MMP17: variants seen among roughly 807,000 people sequenced by gnomAD.
MMP17 encodes the protein matrix metalloproteinase-17.
A neutral mutation model predicts 49.1 loss-of-function variants in MMP17; 54 were observed. That is an observed-to-expected ratio of 1.10 (90% confidence interval 0.88 to 1.38). The LOEUF is 1.38. MMP17 is among the 40% of genes most tolerant of loss of function. MMP17 has a pLI of 0.00. For synonymous variants in MMP17, 397 were observed against 383.1 expected (o/e 1.04, Z -0.42); for missense variants, 837 against 853.7 (o/e 0.98, Z 0.24).
chr12:131,830,850 G>A (rs555706329), intron 1 of MMP17, among the ~76,000 whole-genome samples: 1 of 152,346 alleles, frequency 6.6e-6, no homozygotes, highest in South Asian at 2.1e-4. Context: ...CCCCCGGCGG[G>A]GACAAAAGAG....
chr12:131,851,038 TCA>T lies in MMP17; in HGVS notation c.1579_1580del (p.Gln527GlyfsTer23). Reference protein sequence around the residue: ...TARDWLVCGDSQADGSVAAGV... With the variant: ...TARDWLVCGDXQADGSVAAGV... ...CCGGGACTGGCTGGTGTGTGGAGAC[TCA>T]CAGGCCGATGGATCTGTGGCTGCGG... is the stretch of plus-strand genomic sequence containing the variant. On this transcript the variant is annotated frameshift_variant, in exon 10 of 10. Transcript: ENST00000360564. LOFTEE classifies it low-confidence loss of function (END_TRUNC). 1 of 1,609,012 alleles carries T rather than the reference TCA, an allele frequency of 6.2e-7. No homozygotes were observed. The highest frequency in any genetic ancestry group is 1.1e-5 in the South Asian group (1 of 90,462).
Position 131,845,196 on chromosome 12 carries a change from C to G in MMP17, c.1047C>G (p.Phe349Leu). 1 of 1,614,068 alleles carries G rather than the reference C, an allele frequency of 6.2e-7. No individual in the cohort carries two copies. The highest frequency in any genetic ancestry group is 8.5e-7 in the Non-Finnish European group (1 of 1,179,944). The change falls in exon 7 of 10, where the codon TTC becomes TTG. Residue 349 changes from phenylalanine (F) to leucine (L), a missense_variant. Coordinates refer to ENST00000360564, the MANE Select transcript of MMP17 (RefSeq NM_016155.7). ...VAQIRGEAFF[F>L]KGKYFWRLTR... is the part of the protein sequence containing the mutation. The stretch of plus-strand genomic sequence containing the variant: ...AGATCCGGGGTGAAGCTTTCTTCTT[C>G]AAAGGTACCTCCAGGGTTCCCGTGG...
chr12:131,847,400 G>C (rs1453638675), intron 8 of MMP17, among the ~76,000 whole-genome samples: 3 of 144,912 alleles, frequency 2.1e-5, no homozygotes, highest in East Asian at 2.0e-4. Context: ...GTGACAGAGC[G>C]AGACTCCGTC....
intron 1 of MMP17, among the ~76,000 whole-genome samples, chr12:131,831,445 C>T (rs932855817): frequency 6.6e-6 from 1 of 152,036 alleles, no homozygotes. Context: ...TGGCTTCTGC[C>T]GGTGGCCTCT....
chr12:131,849,061 C>T (rs947768985), intron 8 of MMP17, among the ~76,000 whole-genome samples: 1 of 152,218 alleles, frequency 6.6e-6, no homozygotes. Flanking sequence ...CCCATATCCT[C>T]CCGACACAGG....
In MMP17 at chr12:131,841,752, C is replaced by A; in HGVS notation, c.835C>A (p.Arg279Ser). 1 of 1,612,668 alleles carries A rather than the reference C, an allele frequency of 6.2e-7. No individual in the cohort carries two copies. The change falls in exon 5 of 10, where the codon CGC becomes AGC. Residue 279 changes from arginine to serine, a missense_variant. Coordinates refer to ENST00000360564, the MANE Select transcript of MMP17 (RefSeq NM_016155.7). ...CCAGGGCCCGGTGGGTGACCCGCTGCGCTACGGGCTCCCCTACGAGGACAA... is the reference window on the plus strand; with the variant it reads ...CCAGGGCCCGGTGGGTGACCCGCTGAGCTACGGGCTCCCCTACGAGGACAA... Reference protein sequence around the residue: ...YYQGPVGDPLRYGLPYEDKVR... With the variant: ...YYQGPVGDPLSYGLPYEDKVR...
intron 1 of MMP17, among the ~76,000 whole-genome samples, chr12:131,834,285 C>G (rs1886965510): frequency 6.6e-6 from 1 of 152,002 alleles, no homozygotes; most frequent in Non-Finnish European, 1.5e-5. Flanking sequence ...CCCGCCTCCT[C>G]CCTCCTCCCG....
In MMP17 at chr12:131,845,032, G is replaced by A. The variant is rs562020869; in HGVS notation, c.969-86G>A. 6.3e-5 allele frequency: 87 copies of A among 1,371,844 alleles called. No homozygotes were observed. The East Asian group carries it at 1.1e-3, about 18-fold the overall frequency. The allele number at this position is 1,371,844 out of a possible 1,614,324, so 85.0% of individuals were successfully genotyped here. A position where few individuals can be genotyped will look rare whatever the true frequency, so the allele number is the denominator to read the frequency against. On this transcript the variant is annotated intron_variant, in intron 6 of 9. Coordinates refer to ENST00000360564, the MANE Select transcript of MMP17 (RefSeq NM_016155.7). ...CACACAAGGATGCCTGTCCCATGCCGCTCAGGTCAGGGGCTCTGCCGCAGG... is the reference window on the plus strand; with the variant it reads ...CACACAAGGATGCCTGTCCCATGCCACTCAGGTCAGGGGCTCTGCCGCAGG...
chr12:131,843,992 CG>C lies in MMP17; in HGVS notation c.884-4del. 6.5e-7 allele frequency: 1 copy of C among 1,548,248 alleles called. No homozygotes were observed. Among genetic ancestry groups the C allele is most frequent in the Non-Finnish European group, 8.7e-7 (1 of 1,147,770 alleles). On this transcript the variant is annotated splice_polypyrimidine_tract_variant and splice_region_variant and intron_variant, in intron 5 of 9. Transcript: ENST00000360564. ...TGAGGCCGTCCTCCTCCTTGTCTCCCGCAGGTGTGCGGGAGTCTGTGTCTCC... is the reference window on the plus strand; with the variant it reads ...TGAGGCCGTCCTCCTCCTTGTCTCCCCAGGTGTGCGGGAGTCTGTGTCTCC...
At chr12:131,845,259 C>T (rs1887638309) in intron 7 of MMP17, 38 bp from the exon 8 acceptor site, 2 of 1,613,594 alleles carry the variant, frequency 1.2e-6, no homozygotes, top group South Asian at 2.2e-5. Flanking sequence ...TGGGTGCAGA[C>T]CGTCTCTGCA....
At chr12:131,830,813 TG>T (rs1886753969) in intron 1 of MMP17, among the ~76,000 whole-genome samples, 1 of 152,144 alleles carries the variant, frequency 6.6e-6, no homozygotes, top group Non-Finnish European at 1.5e-5. Flanking sequence ...TTCAGGCTGC[TG>T]GGCTGCGGAG....
rs975306712 is a variant in MMP17 at position 131,835,400 on chromosome 12, G to A, written c.160-2795G>A. 2.6e-5 allele frequency among the ~76,000 whole-genome samples: 4 copies of A among 152,318 alleles called. No homozygotes were observed. In the East Asian group the frequency reaches 5.8e-4, roughly 22 times the overall value. On this transcript the variant is annotated intron_variant, in intron 1 of 9. Coordinates refer to ENST00000360564, the MANE Select transcript of MMP17 (RefSeq NM_016155.7). Reference sequence around the variant, plus strand: ...TAAACCACCTGCTTCCAAACATTGGGCAACATTCCACAGCCACTGGGAGTG... The same window carrying A: ...TAAACCACCTGCTTCCAAACATTGGACAACATTCCACAGCCACTGGGAGTG...
At position 131,845,405 on chromosome 12, in the gene MMP17, C is replaced by A; in HGVS notation, c.1160C>A (p.Ala387Asp). ...CCGCTGCACCTGGACAGCGTGGACG[C>A]CGTGTACGAGCGCACCAGCGACCAC... ...GLPLHLDSVD[A>D]VYERTSDHKI... Residue 387 changes from alanine to aspartate, a missense_variant, in exon 8 of 10, where the codon GCC becomes GAC. Transcript: ENST00000360564. 1 of 1,590,144 alleles carries A rather than the reference C, an allele frequency of 6.3e-7. No homozygotes were observed. Among genetic ancestry groups the A allele is most frequent in the Non-Finnish European group, 8.5e-7 (1 of 1,171,182 alleles).
rs755367488 is a variant in MMP17, at chr12:131,851,085, G to T, written c.1623G>T (p.Gly541=). 4 of 1,602,564 alleles carry T rather than the reference G, an allele frequency of 2.5e-6. No homozygotes were observed. In the South Asian group the frequency reaches 4.5e-5, roughly 18 times the overall value. Residue 541 remains glycine, a synonymous_variant, in exon 10 of 10, where the codon GGG becomes GGT. Coordinates refer to ENST00000360564, the MANE Select transcript of MMP17 (RefSeq NM_016155.7). The part of the protein sequence containing the change: ...SVAAGVDAAE[G]PRAPPGQHDQ... The stretch of plus-strand genomic sequence containing the variant: ...CTGCGGGCGTGGACGCGGCAGAGGG[G>T]CCCCGCGCCCCTCCAGGACAACATG...
rs775462466 is a variant in MMP17 at position 131,849,836 on chromosome 12, A to G, written c.1239A>G (p.Val413=). 6.2e-7 allele frequency: 1 copy of G among 1,613,892 alleles called. No homozygotes were observed. Among genetic ancestry groups the G allele is most frequent in the Admixed American group, 1.7e-5 (1 of 60,008 alleles). Residue 413 remains valine, a synonymous_variant, in exon 9 of 10, where the codon GTA becomes GTG. Coordinates refer to ENST00000360564, the MANE Select transcript of MMP17 (RefSeq NM_016155.7). ...DRYWVFKDNN[V]EEGYPRPVSD... Reference sequence around the variant, plus strand: ...ACTGGGTGTTCAAGGACAATAACGTAGAGGAAGGATACCCGCGCCCCGTCT... The same window carrying G: ...ACTGGGTGTTCAAGGACAATAACGTGGAGGAAGGATACCCGCGCCCCGTCT...
At chr12:131,843,264 C>A (rs1181572809) in intron 5 of MMP17, among the ~76,000 whole-genome samples, 1 of 133,928 alleles carries the variant, frequency 7.5e-6, no homozygotes, top group African/African-American at 2.9e-5. Context: ...CCGCACCTGG[C>A]CTCTTTTTTT....
Position 131,828,549 on chromosome 12 carries a change from T to TCCCGGCTGC in MMP17, c.56_57insCCGGCTGCC (p.Arg20_Pro22dup). 4.3e-6 allele frequency: 2 copies of TCCCGGCTGC among 465,270 alleles called. No homozygotes were observed. Among genetic ancestry groups the TCCCGGCTGC allele is most frequent in the South Asian group, 1.0e-4 (1 of 9,778 alleles). The allele number at this position is 465,270 out of a possible 1,614,324, so 28.8% of individuals were successfully genotyped here. On this transcript the variant is annotated inframe_insertion, in exon 1 of 10. Coordinates refer to ENST00000360564, the MANE Select transcript of MMP17 (RefSeq NM_016155.7). ...CCCGCCGCCCCCAGGGCCCGGACTC[T>TCCCGGCTGC]CGCGGCTGCCGCTGCCGCTGCTGCT...
chr12:131,843,421 T>A (rs1363089687), intron 5 of MMP17, among the ~76,000 whole-genome samples: 2 of 151,908 alleles, frequency 1.3e-5, no homozygotes. Flanking sequence ...AATTTTTAGA[T>A]TTTTTTGTAG....
chr12:131,830,507 C>T (rs543787053), intron 1 of MMP17, among the ~76,000 whole-genome samples: 3 of 152,348 alleles, frequency 2.0e-5, no homozygotes, highest in Non-Finnish European at 4.4e-5. Flanking sequence ...CGGTGCGGGG[C>T]GTCCTCTGCT....
Sources: gnomAD v4.1 joint callset for allele counts (sites outside exome capture counted in the v4.1 genomes callset) on GRCh38, gnomAD v4.1.1 for gene constraint, MANE v1.5 for transcripts, NCBI Gene and HGNC (gene_info 2026-07-23, HGNC 2026-07-21) for gene names.